The following THOC2 variants were observed in gnomAD, a reference collection of about 807,000 sequenced individuals.
The protein encoded by THOC2 is THO complex 2.
THOC2 carries 10 observed loss-of-function variants against 128.4 expected under a neutral mutation model. That is an observed-to-expected ratio of 0.08 (90% CI 0.05 to 0.13). The LOEUF (loss-of-function observed/expected upper bound fraction) is 0.13. Among genes scored for constraint, THOC2 ranks in the 10% least tolerant of loss-of-function variants. THOC2 has a pLI of 1.00. For missense variants in THOC2, 535 were observed against 1,155.7 expected, an observed-to-expected ratio of 0.46 and a Z score of 7.79; for synonymous variants, 393 against 396.9, an observed-to-expected ratio of 0.99 and a Z score of 0.12.
Position 123,697,699 on chromosome X carries a change from C to G in THOC2, c.327G>C (p.Gln109His). 1 of 1,095,266 alleles carries G rather than the reference C, an allele frequency of 9.1e-7. No homozygotes were observed. Among genetic ancestry groups the G allele is most frequent in the Non-Finnish European group, 1.2e-6 (1 of 807,518 alleles). 90.3% of individuals were successfully genotyped at this position (1,095,266 alleles called of 1,213,427 possible). A position where few individuals can be genotyped will look rare whatever the true frequency, so the allele number is the denominator to read the frequency against. The part of the protein sequence containing the change: ...EEKSKRDYFT[Q>H]LVLACLYLVS... ...AACTTACCAAACATGCTAATACCAACTGTGTAAAATAGTCTCTCTTGCTTT... is the reference window on the plus strand; with the variant it reads ...AACTTACCAAACATGCTAATACCAAGTGTGTAAAATAGTCTCTCTTGCTTT... Residue 109 changes from glutamine (Q) to histidine (H), a missense_variant, in exon 5 of 39, where the codon CAG (glutamine) becomes CAC (histidine). Gln to His is a conservative substitution (Grantham distance 24). This residue lies in a region of THOC2 where 61 missense variants were observed against 84.3 expected (regional missense o/e 0.72). Transcript: ENST00000245838.
intron 1 of THOC2, 43 bp from the exon 2 acceptor site, chrX:123,712,951 CAT>C (rs751908864): frequency 3.5e-5 from 33 of 940,950 alleles, no homozygotes; most frequent in Non-Finnish European, 4.8e-5. Flanking sequence ...TCCACCCTAA[CAT>C]GAGATGATTC....
At chrX:123,698,568 T>A (rs1316461434) in intron 4 of THOC2, among the ~76,000 whole-genome samples, 3 of 109,607 alleles carry the variant, frequency 2.7e-5, no homozygotes, top group Admixed American at 9.8e-5. Context: ...ACCAACCTTA[T>A]GAAAAGACAG....
Position 123,706,849 on chromosome X carries a change from C to A in THOC2, c.222+9G>T. The A allele has an allele frequency of 1.0e-6, 1 of 966,069 alleles. No homozygotes were observed. Among genetic ancestry groups the A allele is most frequent in the Non-Finnish European group, 1.4e-6 (1 of 718,354 alleles). The allele number at this position is 966,069 out of a possible 1,213,427, so 79.6% of individuals were successfully genotyped here. A position where few individuals can be genotyped will look rare whatever the true frequency, so the allele number is the denominator to read the frequency against. ...AACTATTAACTTAAAAAAATATATA[C>A]ATACTTACACTAATGTCACTAAGAA... On this transcript the variant is annotated intron_variant, in intron 3 of 38. Transcript: ENST00000245838.
At chrX:123,635,213 A>G (rs1005812935) in intron 19 of THOC2, among the ~76,000 whole-genome samples, 1 of 111,826 alleles carries the variant, frequency 8.9e-6, no homozygotes, top group African/African-American at 3.2e-5. Flanking sequence ...CTGTATTCAC[A>G]GTACAGAAAG....
chrX:123,680,186 T>G (rs1162487194), intron 8 of THOC2, among the ~76,000 whole-genome samples: 1 of 111,200 alleles, frequency 9.0e-6, no homozygotes, highest in Non-Finnish European at 1.9e-5. Context: ...GGCAATGGAA[T>G]GTCTCGGTGT....
chrX:123,681,056 C>T (rs760223584), intron 8 of THOC2, among the ~76,000 whole-genome samples: 2 of 111,392 alleles, frequency 1.8e-5, no homozygotes, highest in East Asian at 5.6e-4. Flanking sequence ...AAACTCCTTA[C>T]TCTGATAGCT....
At chrX:123,623,398 T>A in intron 28 of THOC2, 115 bp from the exon 29 acceptor site, 1 of 784,404 alleles carries the variant, frequency 1.3e-6, no homozygotes, top group African/African-American at 2.1e-5. Flanking sequence ...TCTAGAGAAT[T>A]AAAAAATACC....
intron 1 of THOC2, among the ~76,000 whole-genome samples, chrX:123,726,246 T>C (rs771241418): frequency 1.9e-5 from 2 of 107,889 alleles, no homozygotes; most frequent in African/African-American, 6.8e-5. Context: ...AAGCACCATG[T>C]CTTTGAAAGA....
intron 3 of THOC2, among the ~76,000 whole-genome samples, chrX:123,704,715 G>A (rs1047924134): frequency 8.1e-5 from 9 of 110,937 alleles, no homozygotes; most frequent in Admixed American, 1.9e-4. Flanking sequence ...AAAATTAGCC[G>A]GGTGTGGTGG....
intron 21 of THOC2, among the ~76,000 whole-genome samples, chrX:123,632,493 A>G (rs2047523368): frequency 9.5e-6 from 1 of 105,607 alleles, no homozygotes. Context: ...TTGTCTCAAA[A>G]AAAAAAAAAA....
At chrX:123,661,837 T>TA (rs753088929) in intron 12 of THOC2, among the ~76,000 whole-genome samples, 1 of 111,519 alleles carries the variant, frequency 9.0e-6, no homozygotes, top group Admixed American at 9.5e-5. Flanking sequence ...TACAAATATT[T>TA]AAAAAATTAG....
chrX:123,649,308 C>T (rs2048262054), intron 12 of THOC2, among the ~76,000 whole-genome samples: 1 of 110,951 alleles, frequency 9.0e-6, no homozygotes, highest in South Asian at 3.8e-4. Flanking sequence ...CCCATCTGAA[C>T]GACAAAGACC....
At chrX:123,650,440 C>G (rs1313488326) in intron 12 of THOC2, among the ~76,000 whole-genome samples, 1 of 112,053 alleles carries the variant, frequency 8.9e-6, no homozygotes, top group Non-Finnish European at 1.9e-5. Flanking sequence ...ATGACAGGAT[C>G]AAATTCACAT....
At chrX:123,619,709 A>C (rs2047015881) in intron 32 of THOC2, 3 of 266,768 alleles carry the variant, frequency 1.1e-5, no homozygotes, top group East Asian at 1.3e-4. Flanking sequence ...CATTGTTCAT[A>C]TCTCTCTACT....
intron 12 of THOC2, among the ~76,000 whole-genome samples, chrX:123,661,720 T>C (rs970300248): frequency 8.9e-6 from 1 of 111,926 alleles, no homozygotes; most frequent in African/African-American, 3.2e-5. Context: ...ACAATATATA[T>C]AGTAATAATT....
At chrX:123,615,644 C>CAAA (rs55742104) in intron 33 of THOC2, among the ~76,000 whole-genome samples, 2 of 95,987 alleles carry the variant, frequency 2.1e-5, no homozygotes, top group African/African-American at 3.9e-5. Flanking sequence ...CCAATAAAAG[C>CAAA]AAAAAAAAAA....
At chrX:123,723,297 A>G (rs1404626017) in intron 1 of THOC2, among the ~76,000 whole-genome samples, 2 of 112,188 alleles carry the variant, frequency 1.8e-5, no homozygotes, top group African/African-American at 6.5e-5. Context: ...TAAGTCTGAC[A>G]ATATCAAACA....
At chrX:123,695,484 T>A (rs1220777896) in intron 7 of THOC2, among the ~76,000 whole-genome samples, 1 of 112,086 alleles carries the variant, frequency 8.9e-6, no homozygotes, top group Non-Finnish European at 1.9e-5. Context: ...TGCACTTACT[T>A]TAAAAGGCTA....
chrX:123,654,429 TACAC>T (rs898616249), intron 12 of THOC2, among the ~76,000 whole-genome samples: 24 of 107,684 alleles, frequency 2.2e-4, no homozygotes, highest in African/African-American at 7.7e-4. Context: ...TATATATATA[TACAC>T]ACACACTTGC....
Sources: allele counts gnomAD v4.1 joint callset (sites outside exome capture counted in the v4.1 genomes callset), GRCh38; gene constraint gnomAD v4.1.1; regional missense constraint gnomAD v4.1.1; transcripts MANE v1.5; gene names NCBI Gene and HGNC (gene_info 2026-07-23, HGNC 2026-07-21).